The following KCNIP1 variants were observed in gnomAD, a reference collection of about 807,000 sequenced individuals.
KCNIP1 encodes the protein A-type potassium channel modulatory protein KCNIP1.
In KCNIP1, 18 loss-of-function variants were observed where a neutral mutation model predicts 33.0. The ratio of observed to expected loss-of-function variants is 0.55; its 90% CI spans 0.38 to 0.81. The LOEUF (loss-of-function observed/expected upper bound fraction) is 0.81, where lower values mean the gene tolerates loss of function less well. KCNIP1 is among the 30% of genes least tolerant of loss of function. The pLI, the probability that KCNIP1 is intolerant of heterozygous loss-of-function variation, is 0.00. For missense variants in KCNIP1, 238 were observed against 271.6 expected (o/e 0.88, Z 0.87); for synonymous variants, 93 against 98.3 (o/e 0.95, Z 0.32).
chr5:170,493,623 A>G (rs1453269441), intron 1 of KCNIP1, among the ~76,000 whole-genome samples: 5 of 152,180 alleles, frequency 3.3e-5, no homozygotes, highest in African/African-American at 7.2e-5. Flanking sequence ...CCCTTATGAG[A>G]GTGAAGTAGA....
rs767432508 is a variant in KCNIP1 at position 170,492,031 on chromosome 5, C to T, written c.88+138067C>T. ...CTCACGCCGACTTTTCTCCAGTTCT[C>T]GGACACCAGTTCTGGGTACCCAACA... On this transcript the variant is annotated intron_variant, in intron 1 of 7. Transcript: ENST00000377360. Among the ~76,000 whole-genome samples the T allele has an allele frequency of 5.3e-4, 81 of 152,200 alleles. 1 individual carries two copies. The highest frequency in any genetic ancestry group is 7.8e-4 in the Non-Finnish European group (53 of 68,040).
At chr5:170,551,142 T>C (rs1760925266) in intron 1 of KCNIP1, among the ~76,000 whole-genome samples, 1 of 152,224 alleles carries the variant, frequency 6.6e-6, no homozygotes, top group Non-Finnish European at 1.5e-5. Flanking sequence ...GTTTTCTCCT[T>C]CTTGTCTTTT....
intron 1 of KCNIP1, among the ~76,000 whole-genome samples, chr5:170,573,029 G>A (rs960991798): frequency 2.0e-5 from 3 of 152,210 alleles, no homozygotes; most frequent in Non-Finnish European, 4.4e-5. Context: ...GAAGCCCAAG[G>A]CTGCTAAGCA....
chr5:170,634,600 A>G (rs1760211634), intron 1 of KCNIP1, among the ~76,000 whole-genome samples: 1 of 152,166 alleles, frequency 6.6e-6, no homozygotes, highest in Non-Finnish European at 1.5e-5. Flanking sequence ...GAGCTCTCCC[A>G]GGGAGTGTGT....
At chr5:170,538,207 G>C (rs779164353) in intron 1 of KCNIP1, among the ~76,000 whole-genome samples, 7 of 152,140 alleles carry the variant, frequency 4.6e-5, no homozygotes, top group Admixed American at 2.0e-4. Context: ...CTGAGTACAC[G>C]TGCTTGAACT....
intron 1 of KCNIP1, among the ~76,000 whole-genome samples, chr5:170,595,610 A>T (rs1357985861): frequency 6.6e-6 from 1 of 152,204 alleles, no homozygotes; most frequent in East Asian, 1.9e-4. Context: ...TGTGGGAAGA[A>T]GGGGCAAGGA....
intron 1 of KCNIP1, chr5:170,353,998 C>G (rs1331363905): frequency 1.3e-6 from 2 of 1,580,386 alleles, no homozygotes. Flanking sequence ...TGCTTTCTGT[C>G]TTGATATGGC....
intron 1 of KCNIP1, among the ~76,000 whole-genome samples, chr5:170,689,660 G>GA (rs1484591700): frequency 6.6e-6 from 1 of 152,154 alleles, no homozygotes; most frequent in East Asian, 1.9e-4. Context: ...CAGAGAAGAG[G>GA]AAAAAAGTCA....
At chr5:170,366,758 G>T (rs1028945409) in intron 1 of KCNIP1, among the ~76,000 whole-genome samples, 1 of 152,218 alleles carries the variant, frequency 6.6e-6, no homozygotes. Context: ...CAGGGATGGA[G>T]GGTAGCCTGG....
intron 1 of KCNIP1, among the ~76,000 whole-genome samples, chr5:170,366,483 CA>C (rs917601950): frequency 6.6e-6 from 1 of 152,208 alleles, no homozygotes; most frequent in African/African-American, 2.4e-5. Context: ...GCCTGTCTCA[CA>C]GGGCACATGA....
At chr5:170,396,160 G>A (rs17649133) in intron 1 of KCNIP1, among the ~76,000 whole-genome samples, 17,908 of 152,256 alleles carry the variant, frequency 0.12, 1,338 homozygotes, top group Non-Finnish European at 0.17. Flanking sequence ...TAGGAATGAA[G>A]GTGTGGACAG....
intron 1 of KCNIP1, among the ~76,000 whole-genome samples, chr5:170,423,986 C>T (rs1196611819): frequency 6.6e-6 from 1 of 152,200 alleles, no homozygotes; most frequent in Non-Finnish European, 1.5e-5. Context: ...TAGTGTAGAA[C>T]CACTTAAATA....
chr5:170,374,637 G>C (rs903922811), intron 1 of KCNIP1: 7 of 152,202 alleles, frequency 4.6e-5, no homozygotes, highest in African/African-American at 1.7e-4. Context: ...TAGTCCATGA[G>C]AGGACAATAA....
At chr5:170,568,304 A>T (rs1289851376) in intron 1 of KCNIP1, among the ~76,000 whole-genome samples, 1 of 152,150 alleles carries the variant, frequency 6.6e-6, no homozygotes, top group South Asian at 2.1e-4. Flanking sequence ...TGTGCTGAAC[A>T]CTAAGATTAC....
chr5:170,469,989 A>G (rs1345931843), intron 1 of KCNIP1, among the ~76,000 whole-genome samples: 1 of 152,204 alleles, frequency 6.6e-6, no homozygotes. Context: ...AAGGCCCAGA[A>G]TGCCGTTATT....
At chr5:170,535,985 G>T (rs1232438046) in intron 1 of KCNIP1, among the ~76,000 whole-genome samples, 1 of 152,172 alleles carries the variant, frequency 6.6e-6, no homozygotes, top group Non-Finnish European at 1.5e-5. Context: ...AAATGGGATT[G>T]ATAATACCTA....
intron 1 of KCNIP1, among the ~76,000 whole-genome samples, chr5:170,482,313 A>G (rs969838799): frequency 6.6e-6 from 1 of 152,196 alleles, no homozygotes; most frequent in Non-Finnish European, 1.5e-5. Flanking sequence ...CAGGGTTCAA[A>G]GAAGGGTATA....
At chr5:170,446,891 AC>A (rs1418249999) in intron 1 of KCNIP1, among the ~76,000 whole-genome samples, 5 of 152,210 alleles carry the variant, frequency 3.3e-5, no homozygotes, top group Admixed American at 2.0e-4. Flanking sequence ...AGACTTGTGA[AC>A]CTGCTCCAGG....
intron 2 of KCNIP1, 42 bp downstream of exon 2, chr5:170,718,924 A>G (rs767583636): frequency 6.3e-7 from 1 of 1,590,878 alleles, no homozygotes; most frequent in East Asian, 2.3e-5. Context: ...GGGGGTTCCC[A>G]CGTGAGGCTA....
Sources: gnomAD v4.1 joint callset for allele counts (sites outside exome capture counted in the v4.1 genomes callset) on GRCh38, gnomAD v4.1.1 for gene constraint, MANE v1.5 for transcripts, NCBI Gene and HGNC (gene_info 2026-07-23, HGNC 2026-07-21) for gene names.